Variants in SAMD5 observed in about 807,000 individuals in gnomAD.
SAMD5 encodes sterile alpha motif domain-containing protein 5.
A neutral mutation model predicts 11.3 loss-of-function variants in SAMD5; 13 were observed. The ratio of observed to expected loss-of-function variants is 1.15; its 90% CI spans 0.75 to 1.83. The LOEUF (loss-of-function observed/expected upper bound fraction) is 1.83, where lower values mean the gene tolerates loss of function less well. Ranked by LOEUF, SAMD5 falls within the 40% of genes most tolerant of loss-of-function variation. The probability of loss-of-function intolerance (pLI) is 0.00; values close to 1 mark genes in which losing one functional copy is unlikely to be tolerated. For missense variants in SAMD5, 255 were observed against 239.1 expected (o/e 1.07, Z -0.44); for synonymous variants, 129 against 111.3 (o/e 1.16, Z -1.00).
chr6:147,591,024 A>T (rs1367301196), intron 1 of SAMD5, among the ~76,000 whole-genome samples: 2 of 152,164 alleles, frequency 1.3e-5, no homozygotes, highest in East Asian at 3.9e-4. Context: ...TATTAGTGCT[A>T]TTCTTCGAGG....
the SAMD5 span, among the ~76,000 whole-genome samples, chr6:147,905,634 C>T: frequency 3.9e-5 from 6 of 151,994 alleles, no homozygotes; most frequent in South Asian, 6.2e-4. Context: ...TATATAAAAT[C>T]GTGAAATTGA....
chr6:147,787,122 C>G, the SAMD5 span, among the ~76,000 whole-genome samples: 1 of 152,078 alleles, frequency 6.6e-6, no homozygotes, highest in Non-Finnish European at 1.5e-5. Flanking sequence ...ATTTGTATGT[C>G]CATAAAAAGG....
At chr6:147,926,927 T>C in the SAMD5 span, among the ~76,000 whole-genome samples, 3 of 151,972 alleles carry the variant, frequency 2.0e-5, no homozygotes, top group Non-Finnish European at 2.9e-5. Flanking sequence ...TATTGAACAG[T>C]GCTGTAGCCA....
chr6:147,714,112 T>C (rs935404800), intron 1 of SAMD5, among the ~76,000 whole-genome samples: 2 of 152,110 alleles, frequency 1.3e-5, no homozygotes, highest in Non-Finnish European at 2.9e-5. Flanking sequence ...TGAGATTGTG[T>C]TGAGTGAAGT....
intron 1 of SAMD5, among the ~76,000 whole-genome samples, chr6:147,652,522 G>A (rs1291331098): frequency 2.0e-5 from 3 of 152,156 alleles, no homozygotes; most frequent in African/African-American, 4.8e-5. Context: ...TGGTTCAGTA[G>A]CAATGGTGGT....
At chr6:147,530,576 T>C (rs1006932191) in intron 1 of SAMD5, among the ~76,000 whole-genome samples, 1 of 152,246 alleles carries the variant, frequency 6.6e-6, no homozygotes, top group African/African-American at 2.4e-5. Flanking sequence ...GAGCCACAAC[T>C]GGCTTGTGGT....
At chr6:147,737,204 C>G (rs1583159404) in intron 1 of SAMD5, 1 of 347,504 alleles carries the variant, frequency 2.9e-6, no homozygotes, top group Non-Finnish European at 5.0e-6. Context: ...GACAGCATGT[C>G]CCTCCCATCC....
the SAMD5 span, among the ~76,000 whole-genome samples, chr6:147,843,803 G>T: frequency 6.6e-6 from 1 of 152,112 alleles, no homozygotes; most frequent in Admixed American, 6.6e-5. Context: ...GCAGAAGAAT[G>T]AAAATTATCC....
the SAMD5 span, among the ~76,000 whole-genome samples, chr6:147,814,606 G>A: frequency 2.0e-5 from 3 of 152,156 alleles, no homozygotes; most frequent in East Asian, 1.9e-4. Context: ...ACCATTCAAA[G>A]CAGCTGGTAT....
At chr6:147,582,820 G>A (rs2128446399) in intron 1 of SAMD5, among the ~76,000 whole-genome samples, 2 of 152,328 alleles carry the variant, frequency 1.3e-5, no homozygotes, top group Non-Finnish European at 1.5e-5. Flanking sequence ...GAGGCTTGGG[G>A]TTGGGTCAGC....
chr6:147,945,779 C>A, the SAMD5 span, among the ~76,000 whole-genome samples: 1 of 152,096 alleles, frequency 6.6e-6, no homozygotes, highest in Non-Finnish European at 1.5e-5. Context: ...CTATCATGTC[C>A]CCTCATATAA....
At position 147,674,527 on chromosome 6, in the gene SAMD5, C is replaced by T. The variant is rs548552992; in HGVS notation, c.163-62790C>T. ...TGAGTCCTTCTCAATGCACTCCAACCAGGGTTTTGGGGTAGCACAGAGGCA... is the reference window on the plus strand; with the variant it reads ...TGAGTCCTTCTCAATGCACTCCAACTAGGGTTTTGGGGTAGCACAGAGGCA... On this transcript the variant is annotated intron_variant, in intron 1 of 1. Coordinates refer to the SAMD5 transcript ENST00000566741. 1.4e-4 allele frequency among the ~76,000 whole-genome samples: 22 copies of T among 152,240 alleles called. No homozygotes were observed. In the South Asian group the frequency reaches 4.4e-3, roughly 30 times the overall value.
rs561636620 is a variant in SAMD5 at position 147,680,117 on chromosome 6, G to T, written c.163-57200G>T. 3.2e-4 allele frequency among the ~76,000 whole-genome samples: 49 copies of T among 151,904 alleles called. No individual in the cohort carries two copies. The South Asian group carries it at 9.9e-3, about 31-fold the overall frequency. On this transcript the variant is annotated intron_variant, in intron 1 of 1. Transcript: ENST00000566741. ...TTTCATGTAAATTTGACTTAAGATT[G>T]CAGATAACTTATAATTTGGAAAGAA...
At chr6:147,528,814 G>A (rs1788384482) in intron 1 of SAMD5, among the ~76,000 whole-genome samples, 1 of 152,198 alleles carries the variant, frequency 6.6e-6, no homozygotes. Flanking sequence ...ATAACTTTAA[G>A]TAGGCTTGGA....
intron 1 of SAMD5, among the ~76,000 whole-genome samples, chr6:147,526,058 C>T (rs940531466): frequency 2.6e-5 from 4 of 152,004 alleles, no homozygotes; most frequent in Admixed American, 2.6e-4. Flanking sequence ...CTTCAAATAG[C>T]CTGCTAGAAA....
intron 1 of SAMD5, among the ~76,000 whole-genome samples, chr6:147,628,335 T>G (rs1790088855): frequency 6.6e-6 from 1 of 152,240 alleles, no homozygotes; most frequent in Non-Finnish European, 1.5e-5. Flanking sequence ...ATTTTTTAAT[T>G]TCTATGGTTT....
At chr6:147,558,622 C>T (rs1297017058) in intron 1 of SAMD5, among the ~76,000 whole-genome samples, 1 of 152,044 alleles carries the variant, frequency 6.6e-6, no homozygotes, top group Non-Finnish European at 1.5e-5. Flanking sequence ...AGAAACTCTG[C>T]CCTTGCCCCT....
At chr6:147,789,660 T>C in the SAMD5 span, among the ~76,000 whole-genome samples, 48 of 152,182 alleles carry the variant, frequency 3.2e-4, no homozygotes, top group African/African-American at 9.6e-4. Flanking sequence ...TCAGATTTCG[T>C]TGATTTTTTC....
At chr6:147,660,615 T>G (rs1048977845) in intron 1 of SAMD5, 4 of 152,208 alleles carry the variant, frequency 2.6e-5, no homozygotes, top group African/African-American at 7.2e-5. Flanking sequence ...TAAGGGCGGA[T>G]CTCCCACCCT....
Sources: allele counts gnomAD v4.1 joint callset (sites outside exome capture counted in the v4.1 genomes callset), GRCh38; gene constraint gnomAD v4.1.1; transcripts MANE v1.5; gene names NCBI Gene and HGNC (gene_info 2026-07-23, HGNC 2026-07-21).